Variants in PLCL2 observed in about 807,000 individuals in gnomAD.
The protein encoded by PLCL2 is inactive phospholipase C-like protein 2.
A neutral mutation model predicts 79.6 loss-of-function variants in PLCL2; 4 were observed. The observed-to-expected ratio is 0.05, with a 90% CI of 0.02 to 0.11. The LOEUF is 0.11. PLCL2 is among the 10% of genes least tolerant of loss of function. PLCL2 has a pLI of 1.00. For synonymous variants in PLCL2, 484 were observed against 457.7 expected (o/e 1.06, Z -0.73); for missense variants, 895 against 1,291.0 (o/e 0.69, Z 4.70).
intron 1 of PLCL2, among the ~76,000 whole-genome samples, chr3:16,996,445 C>G (rs547921894): frequency 2.0e-5 from 3 of 152,220 alleles, no homozygotes; most frequent in African/African-American, 7.2e-5. Context: ...AACTGAAGAT[C>G]TTGATAATAC....
rs955995466 is a variant in PLCL2 at position 16,885,317 on chromosome 3, C to T, written c.278C>T (p.Pro93Leu). The T allele has an allele frequency of 3.0e-6, 2 of 666,650 alleles. No individual in the cohort carries two copies. Among genetic ancestry groups the T allele is most frequent in the Admixed American group, 2.2e-5 (1 of 44,948 alleles). 41.3% of individuals were successfully genotyped at this position (666,650 alleles called of 1,614,324 possible). A position where few individuals can be genotyped will look rare whatever the true frequency, so the allele number is the denominator to read the frequency against. Residue 93 changes from proline to leucine, a missense_variant, in exon 1 of 6, where the codon CCC (proline) becomes CTC (leucine). By Grantham distance (98) the Pro-to-Leu change is moderately conservative (BLOSUM62 -3). Coordinates refer to ENST00000615277, the MANE Select transcript of PLCL2 (RefSeq NM_001144382.2). ...CCCAGCGCGGTCGTCTGTACCCTCC[C>T]CCGGGAGAGCAAGCCGGGCGGCCTG... Reference protein sequence around the residue: ...PTPSAVVCTLPRESKPGGLPR... With the variant: ...PTPSAVVCTLLRESKPGGLPR...
intron 1 of PLCL2, among the ~76,000 whole-genome samples, chr3:16,993,902 C>G (rs1290945686): frequency 6.6e-6 from 1 of 152,114 alleles, no homozygotes; most frequent in Non-Finnish European, 1.5e-5. Context: ...ATCATATGTT[C>G]TGTGGCATAT....
chr3:17,053,811 A>G (rs963991207), intron 4 of PLCL2, among the ~76,000 whole-genome samples: 8 of 152,222 alleles, frequency 5.3e-5, no homozygotes, highest in Non-Finnish European at 1.2e-4. Context: ...GACCTGGTCC[A>G]TGAAACCATT....
rs370356692 is a variant in PLCL2 at position 16,955,148 on chromosome 3, G to T, written c.328-54526G>T. The stretch of plus-strand genomic sequence containing the variant: ...ATGCCTAGGTTTTCTTCTAGGGTTT[G>T]TATGGTTTTAGGTCTAACATGTAAG... On this transcript the variant is annotated intron_variant, in intron 1 of 5. Transcript: ENST00000615277. Among the ~76,000 whole-genome samples, 11 of 152,262 alleles carry T rather than the reference G, an allele frequency of 7.2e-5. No homozygotes were observed. In the East Asian group the frequency reaches 7.7e-4, roughly 11 times the overall value.
chr3:16,943,796 GGTT>G (rs778884861), intron 1 of PLCL2, among the ~76,000 whole-genome samples: 15 of 152,066 alleles, frequency 9.9e-5, no homozygotes, highest in Non-Finnish European at 2.1e-4. Flanking sequence ...GCTATGTTTA[GGTT>G]GTTTCTATTT....
chr3:16,895,002 T>C (rs1018490466), intron 1 of PLCL2, among the ~76,000 whole-genome samples: 1 of 152,054 alleles, frequency 6.6e-6, no homozygotes, highest in African/African-American at 2.4e-5. Context: ...TCAGATGATA[T>C]ATATGTTTTG....
At chr3:17,015,186 A>G (rs918263748) in intron 3 of PLCL2, among the ~76,000 whole-genome samples, 1 of 152,178 alleles carries the variant, frequency 6.6e-6, no homozygotes, top group African/African-American at 2.4e-5. Context: ...AGGATGCACT[A>G]TTTTCCACAC....
chr3:16,980,464 C>A (rs1411139574), intron 1 of PLCL2, among the ~76,000 whole-genome samples: 2 of 146,302 alleles, frequency 1.4e-5, no homozygotes, highest in Non-Finnish European at 3.0e-5. Context: ...TCAGACGGGG[C>A]GGCCGGGCAG....
intron 3 of PLCL2, among the ~76,000 whole-genome samples, chr3:17,022,893 C>T (rs552573459): frequency 6.6e-6 from 1 of 152,316 alleles, no homozygotes; most frequent in South Asian, 2.1e-4. Flanking sequence ...TAAACTTCAT[C>T]TATTGCATTC....
At chr3:17,045,037 T>C (rs1019454783) in intron 4 of PLCL2, among the ~76,000 whole-genome samples, 1 of 152,228 alleles carries the variant, frequency 6.6e-6, no homozygotes, top group African/African-American at 2.4e-5. Context: ...TACACAGCCC[T>C]TCTGTTATCC....
intron 1 of PLCL2, among the ~76,000 whole-genome samples, chr3:16,947,261 C>T (rs75976411): frequency 0.01 from 1,571 of 152,114 alleles, 31 homozygotes; most frequent in African/African-American, 0.036. Context: ...AAGTTTTATT[C>T]TTATGAGTCA....
intron 1 of PLCL2, among the ~76,000 whole-genome samples, chr3:16,974,200 G>A (rs112789519): frequency 0.018 from 2,698 of 152,214 alleles, 91 homozygotes; most frequent in African/African-American, 0.061. Context: ...CTTAATGAGG[G>A]CTATCTCTAT....
At chr3:16,931,943 G>A (rs1191162844) in intron 1 of PLCL2, among the ~76,000 whole-genome samples, 1 of 152,148 alleles carries the variant, frequency 6.6e-6, no homozygotes, top group Non-Finnish European at 1.5e-5. Flanking sequence ...AATGGGATTA[G>A]TGCCCTTATA....
chr3:16,961,853 G>T lies in PLCL2; in HGVS notation c.328-47821G>T, dbSNP rs922408396. Among the ~76,000 whole-genome samples, 5 of 152,276 alleles carry T rather than the reference G, an allele frequency of 3.3e-5. No homozygotes were observed. The East Asian group carries it at 9.6e-4, about 29-fold the overall frequency. On this transcript the variant is annotated intron_variant, in intron 1 of 5. Transcript: ENST00000615277. ...TCCCAGGACCCAAGGGGGCAAAGGC[G>T]GTGAGGGGAAAGGGTCTGAGACAGC...
intron 1 of PLCL2, among the ~76,000 whole-genome samples, chr3:16,916,018 TTAAA>T (rs1227061751): frequency 6.6e-6 from 1 of 152,244 alleles, no homozygotes; most frequent in Non-Finnish European, 1.5e-5. Flanking sequence ...TCATAATTAA[TTAAA>T]TCAAAGCATG....
intron 1 of PLCL2, among the ~76,000 whole-genome samples, chr3:16,955,002 T>C (rs2063690654): frequency 6.6e-6 from 1 of 152,242 alleles, no homozygotes; most frequent in Admixed American, 6.5e-5. Flanking sequence ...TGGTAGTTTC[T>C]TTTGCTGTGC....
At chr3:16,936,589 A>G (rs1697544510) in intron 1 of PLCL2, among the ~76,000 whole-genome samples, 1 of 152,238 alleles carries the variant, frequency 6.6e-6, no homozygotes, top group South Asian at 2.1e-4. Context: ...TTCTACATGA[A>G]TTTTTGGAAA....
At chr3:16,992,091 T>C (rs1294619254) in intron 1 of PLCL2, among the ~76,000 whole-genome samples, 1 of 152,206 alleles carries the variant, frequency 6.6e-6, no homozygotes, top group Non-Finnish European at 1.5e-5. Flanking sequence ...TTGTCAGTGG[T>C]GACATGTGAT....
At chr3:16,970,437 A>G (rs1349058220) in intron 1 of PLCL2, among the ~76,000 whole-genome samples, 1 of 148,740 alleles carries the variant, frequency 6.7e-6, no homozygotes, top group Non-Finnish European at 1.5e-5. Flanking sequence ...TATATGTGCC[A>G]CATTTTCTTA....
Sources: allele counts gnomAD v4.1 joint callset (sites outside exome capture counted in the v4.1 genomes callset), GRCh38; gene constraint gnomAD v4.1.1; transcripts MANE v1.5; gene names NCBI Gene and HGNC (gene_info 2026-07-23, HGNC 2026-07-21).